The following GARIN2 variants were observed in gnomAD, a reference collection of about 807,000 sequenced individuals.
GARIN2 encodes the protein Golgi-associated RAB2 interactor protein 2.
chr14:67,208,609 A>G, the GARIN2 span, among the ~76,000 whole-genome samples: 2,921 of 152,334 alleles, frequency 0.019, 38 homozygotes, highest in Middle Eastern at 0.034. Flanking sequence ...AATGACCCAC[A>G]TTTGGTTCAA....
the GARIN2 span, among the ~76,000 whole-genome samples, chr14:67,196,470 C>T: frequency 6.6e-6 from 1 of 152,316 alleles, no homozygotes; most frequent in South Asian, 2.1e-4. Context: ...GATCTGCCCG[C>T]CTTGGCCTCT....
the GARIN2 span, chr14:67,200,025 C>G: frequency 1.1e-6 from 1 of 936,764 alleles, no homozygotes; most frequent in East Asian, 2.6e-5. Flanking sequence ...TAGGACATCC[C>G]CATTCTGGAC....
At chr14:67,228,169 C>CA in the GARIN2 span, among the ~76,000 whole-genome samples, 3,652 of 63,656 alleles carry the variant, frequency 0.057, 66 homozygotes, top group Middle Eastern at 0.085. Flanking sequence ...GACTTTGTCT[C>CA]AAAAAAAAAA....
At chr14:67,189,882 C>T in the GARIN2 span, 1 of 141,150 alleles carries the variant, frequency 7.1e-6, no homozygotes, top group East Asian at 2.0e-4. Context: ...GCTTTGTCAC[C>T]CAGGCTGGAG....
chr14:67,225,960 T>TGTGTGTGTGC, the GARIN2 span, among the ~76,000 whole-genome samples: 1 of 119,756 alleles, frequency 8.4e-6, no homozygotes, highest in Non-Finnish European at 1.6e-5. Context: ...TGTGTGTGTG[T>TGTGTGTGTGC]GTGCGCGCGC....
At chr14:67,197,857 A>G in the GARIN2 span, among the ~76,000 whole-genome samples, 2 of 151,918 alleles carry the variant, frequency 1.3e-5, no homozygotes, top group African/African-American at 2.4e-5. Context: ...TTTTTACTAT[A>G]TGTATCTGTT....
At chr14:67,207,276 AG>A in the GARIN2 span, among the ~76,000 whole-genome samples, 10 of 152,166 alleles carry the variant, frequency 6.6e-5, no homozygotes, top group Non-Finnish European at 1.5e-4. Context: ...TGAGGGCCTC[AG>A]GGAACTTACA....
chr14:67,214,260 T>C, the GARIN2 span, among the ~76,000 whole-genome samples: 2 of 152,194 alleles, frequency 1.3e-5, no homozygotes, highest in Non-Finnish European at 2.9e-5. Context: ...TCCTGAATGG[T>C]ATTGCCTAGG....
At chr14:67,225,317 G>A in the GARIN2 span, 1 of 1,275,882 alleles carries the variant, frequency 7.8e-7, no homozygotes, top group South Asian at 1.8e-5. Flanking sequence ...CTATGATACT[G>A]TCACACAAAA....
At chr14:67,224,575 C>T in the GARIN2 span, 1 of 225,976 alleles carries the variant, frequency 4.4e-6, no homozygotes, top group East Asian at 1.5e-4. Context: ...TCTCTACTTT[C>T]TTAGCTTTAA....
At chr14:67,224,981 T>C in the GARIN2 span, 1 of 715,664 alleles carries the variant, frequency 1.4e-6, no homozygotes, top group Non-Finnish European at 2.2e-6. Flanking sequence ...GAACATAATC[T>C]GAATTTAATA....
chr14:67,197,565 T>C, the GARIN2 span, among the ~76,000 whole-genome samples: 1 of 152,226 alleles, frequency 6.6e-6, no homozygotes, highest in South Asian at 2.1e-4. Context: ...GGACCAGTGT[T>C]GTGGAAGGCA....
the GARIN2 span, among the ~76,000 whole-genome samples, chr14:67,217,238 T>C: frequency 2.6e-5 from 4 of 152,318 alleles, no homozygotes; most frequent in Admixed American, 2.6e-4. Context: ...TGCTTGACTT[T>C]GGTTTCCATT....
chr14:67,199,422 G>A, the GARIN2 span: 1 of 1,613,562 alleles, frequency 6.2e-7, no homozygotes, highest in Non-Finnish European at 8.5e-7. Context: ...GATACTTTCA[G>A]CGCCTTTGGG....
At chr14:67,224,097 C>A in the GARIN2 span, 1 of 756,114 alleles carries the variant, frequency 1.3e-6, no homozygotes, top group Non-Finnish European at 1.6e-6. Flanking sequence ...ATCTCTCAAA[C>A]CTCTCAGCAG....
At chr14:67,226,360 T>G in the GARIN2 span, among the ~76,000 whole-genome samples, 2 of 151,198 alleles carry the variant, frequency 1.3e-5, no homozygotes, top group South Asian at 4.2e-4. Flanking sequence ...ACCAGCTAGT[T>G]TTTTTTGTTT....
the GARIN2 span, chr14:67,196,953 G>C: frequency 1.3e-5 from 2 of 152,002 alleles, no homozygotes; most frequent in African/African-American, 4.8e-5. Context: ...TTTTGAGACA[G>C]GCTCTCGCTC....
the GARIN2 span, among the ~76,000 whole-genome samples, chr14:67,219,713 C>A: frequency 0.23 from 35,175 of 151,988 alleles, 5,624 homozygotes; most frequent in East Asian, 0.44. Flanking sequence ...AATTTTAAAG[C>A]TATAAAAGAT....
the GARIN2 span, among the ~76,000 whole-genome samples, chr14:67,208,896 CA>C: frequency 0.051 from 3,334 of 65,632 alleles, 30 homozygotes; most frequent in Non-Finnish European, 0.07. Context: ...AACTCTGTCT[CA>C]AAAAAAAAAA....
Sources: allele counts gnomAD v4.1 joint callset (sites outside exome capture counted in the v4.1 genomes callset), GRCh38; gene constraint gnomAD v4.1.1; transcripts MANE v1.5; gene names NCBI Gene and HGNC (gene_info 2026-07-23, HGNC 2026-07-21).